Variants in EPS8L1 observed in about 807,000 individuals in gnomAD.
EPS8L1 encodes EPS8 signaling adaptor L1.
In EPS8L1, 101 loss-of-function variants were observed where a neutral mutation model predicts 91.7. The observed-to-expected ratio is 1.10, with a 90% confidence interval of 0.94 to 1.30. The LOEUF (loss-of-function observed/expected upper bound fraction) is 1.30, where lower values mean the gene tolerates loss of function less well. Ranked by LOEUF, EPS8L1 falls within the 50% of genes most tolerant of loss-of-function variation. EPS8L1 has a pLI of 0.00. For synonymous variants in EPS8L1, 506 were observed against 445.3 expected (o/e 1.14, Z -1.72); for missense variants, 1,114 against 1,017.0 (o/e 1.10, Z -1.30).
chr19:55,081,256 G>T lies in EPS8L1; in HGVS notation c.538G>T (p.Asp180Tyr), dbSNP rs1267220652. ...LRATQEELQR[D>Y]RSPAAETPPL... ...GGCCACGCAGGAGGAGTTGCAGCGC[G>T]ACCGCTCGCCCGCCGCTGAGACCCC... The change falls in exon 8 of 20, where the codon GAC (aspartate) becomes TAC (tyrosine). Residue 180 changes from aspartate to tyrosine, a missense_variant. Physicochemically the swap from Asp to Tyr is radical, Grantham distance 160. Transcript: ENST00000201647. This position sits in a 1 kb window ranked among gnomAD's most constrained non-coding sequence, Gnocchi z 4.9. 3.3e-6 allele frequency: 5 copies of T among 1,509,792 alleles called. No homozygotes were observed. The highest frequency in any genetic ancestry group is 4.4e-6 in the Non-Finnish European group (5 of 1,137,812). The allele number at this position is 1,509,792 out of a possible 1,614,324, so 93.5% of individuals were successfully genotyped here. A position where few individuals can be genotyped will look rare whatever the true frequency, so the allele number is the denominator to read the frequency against.
chr19:55,078,889 G>A (rs146934194), intron 3 of EPS8L1, 110 bp from the exon 4 acceptor site: 1 of 855,374 alleles, frequency 1.2e-6, no homozygotes, highest in Non-Finnish European at 1.8e-6. Context: ...GGGCTGGGGG[G>A]CTGGACTCCT....
Position 55,081,520 on chromosome 19 carries a change from G to T in EPS8L1, c.774+28G>T. ...GAGCCGCTAAGGAAGGGGTCTGGGGGCAGGGCCAGGCGACTGGAGGCGGGG... is the reference window on the plus strand; with the variant it reads ...GAGCCGCTAAGGAAGGGGTCTGGGGTCAGGGCCAGGCGACTGGAGGCGGGG... On this transcript the variant is annotated intron_variant, in intron 8 of 19. Coordinates refer to ENST00000201647, the MANE Select transcript of EPS8L1 (RefSeq NM_133180.3). The surrounding 1 kb of genome is among the most constrained non-coding windows in gnomAD (Gnocchi z 4.9). 1 of 1,532,432 alleles carries T rather than the reference G, an allele frequency of 6.5e-7. No homozygotes were observed. The highest frequency in any genetic ancestry group is 1.3e-5 in the South Asian group (1 of 78,634). The allele number at this position is 1,532,432 out of a possible 1,614,324, so 94.9% of individuals were successfully genotyped here.
At chr19:55,087,235 G>A (rs912119638) in intron 18 of EPS8L1, 68 bp from the exon 19 acceptor site, 10 of 1,528,730 alleles carry the variant, frequency 6.5e-6, no homozygotes, top group Non-Finnish European at 8.8e-6. Flanking sequence ...CCGGGTGGGC[G>A]TGACATGATT....
At chr19:55,076,258 C>G (rs2076130996) in intron 1 of EPS8L1, 150 bp from the exon 2 acceptor site, 1 of 632,130 alleles carries the variant, frequency 1.6e-6, no homozygotes, top group Admixed American at 3.2e-5. Context: ...GCCTGGACTT[C>G]TGGGTCTGAG....
chr19:55,078,029 A>G lies in EPS8L1; in HGVS notation c.18-59A>G, dbSNP rs73932290. 7,498 of 1,572,082 alleles carry G rather than the reference A, an allele frequency of 4.8e-3. 296 individuals carry two copies. In the African/African-American group the frequency reaches 0.086, roughly 18 times the overall value. On this transcript the variant is annotated intron_variant, in intron 2 of 19. Coordinates refer to ENST00000201647, the MANE Select transcript of EPS8L1 (RefSeq NM_133180.3). ...TGAAGCCCTTGCTGCCCTGCTTGGCATTTCCACAGGATCTGCCCCCAGTCC... is the reference window on the plus strand; with the variant it reads ...TGAAGCCCTTGCTGCCCTGCTTGGCGTTTCCACAGGATCTGCCCCCAGTCC...
Position 55,081,793 on chromosome 19 carries a change from C to T in EPS8L1, c.795C>T (p.Phe265=), listed in dbSNP as rs1210638723. The stretch of plus-strand genomic sequence containing the variant: ...CCTAGGACATCCTGAACCACGTGTT[C>T]GACGACGTAGAGAGCTTTGTATCGA... ...EREVDILNHV[F]DDVESFVSRL... Residue 265 remains phenylalanine, a synonymous_variant, in exon 9 of 20, where the codon TTC becomes TTT. Coordinates refer to ENST00000201647, the MANE Select transcript of EPS8L1 (RefSeq NM_133180.3). The surrounding 1 kb of genome is among the most constrained non-coding windows in gnomAD (Gnocchi z 4.9). 1.5e-5 allele frequency: 24 copies of T among 1,610,896 alleles called. No individual in the cohort carries two copies. Among genetic ancestry groups the T allele is most frequent in the East Asian group, 2.2e-5 (1 of 44,750 alleles).
chr19:55,079,856 C>CCG lies in EPS8L1; in HGVS notation c.279+5_279+6insCG. ...CTGCTCGACCCGGCCTCCAAGGTGC[C>CCG]GGGGGGCACGTGGGTGGGAGGAGTG... is the stretch of plus-strand genomic sequence containing the variant. On this transcript the variant is annotated splice_donor_region_variant and intron_variant, in intron 5 of 19. Transcript: ENST00000201647. 1 of 1,608,294 alleles carries CCG rather than the reference C, an allele frequency of 6.2e-7. No homozygotes were observed. The highest frequency in any genetic ancestry group is 1.1e-5 in the South Asian group (1 of 90,248).
Position 55,087,858 on chromosome 19 carries a change from G to A in EPS8L1, c.*244G>A. 1.9e-6 allele frequency: 1 copy of A among 540,234 alleles called. No homozygotes were observed. Among genetic ancestry groups the A allele is most frequent in the Non-Finnish European group, 3.3e-6 (1 of 298,722 alleles). 33.5% of individuals were successfully genotyped at this position (540,234 alleles called of 1,614,324 possible). On this transcript the variant is annotated 3_prime_UTR_variant, in exon 20 of 20. Transcript: ENST00000201647. ...GGAAAGCGCTAGCAGACCCCCGAGAGGGTGCAGTGGAGCCCTGAGCATTGT... is the reference window on the plus strand; with the variant it reads ...GGAAAGCGCTAGCAGACCCCCGAGAAGGTGCAGTGGAGCCCTGAGCATTGT...
At chr19:55,076,175 G>A (rs538805896) in intron 1 of EPS8L1, among the ~76,000 whole-genome samples, 1 of 73,792 alleles carries the variant, frequency 1.4e-5, no homozygotes, top group African/African-American at 5.3e-5. Context: ...AGTGGACTGG[G>A]GTCTGGACTC....
rs1218247739 is a variant in EPS8L1, at chr19:55,079,608, T to C, written c.118-82T>C. 6 of 1,516,760 alleles carry C rather than the reference T, an allele frequency of 4.0e-6. No homozygotes were observed. In the South Asian group the frequency reaches 5.1e-5, roughly 13 times the overall value. The allele number at this position is 1,516,760 out of a possible 1,614,324, so 94.0% of individuals were successfully genotyped here. A position where few individuals can be genotyped will look rare whatever the true frequency, so the allele number is the denominator to read the frequency against. ...GGAGGAGGTGTGGTTAGTCTCAGGC[T>C]GAAAGTCTGATTATTCTGGGGGATT... On this transcript the variant is annotated intron_variant, in intron 4 of 19. Transcript: ENST00000201647.
At position 55,081,709 on chromosome 19, in the gene EPS8L1, G is replaced by C. The variant is rs540240886; in HGVS notation, c.775-64G>C. 1.7e-5 allele frequency: 26 copies of C among 1,552,008 alleles called. No individual in the cohort carries two copies. In the African/African-American group the frequency reaches 3.0e-4, roughly 18 times the overall value. ...GGAAGTGTATAGGTGCTCAGGTTCA[G>C]GGCTTCGACGGGGATGGTTTTGGAA... On this transcript the variant is annotated intron_variant, in intron 8 of 19. Transcript: ENST00000201647. The surrounding 1 kb of genome is among the most constrained non-coding windows in gnomAD (Gnocchi z 4.9).
intron 3 of EPS8L1, 76 bp from the exon 4 acceptor site, chr19:55,078,923 G>A: frequency 6.7e-7 from 1 of 1,484,614 alleles, no homozygotes; most frequent in Non-Finnish European, 9.4e-7. Context: ...GAGGGGCTGG[G>A]GGCCTGGACT....
rs1227845143 is a variant in EPS8L1, at chr19:55,087,676, C to CT, written c.*63dup. 5 of 1,544,526 alleles carry CT rather than the reference C, an allele frequency of 3.2e-6. No homozygotes were observed. The African/African-American group carries it at 5.4e-5, about 17-fold the overall frequency. ...CGTGGGAGAACGGACTCCTCAGACTCTCCCCAATAGCGGAAGTCGATCTTC... is the reference window on the plus strand; with the variant it reads ...CGTGGGAGAACGGACTCCTCAGACTCTTCCCCAATAGCGGAAGTCGATCTTC... On this transcript the variant is annotated 3_prime_UTR_variant, in exon 20 of 20. Coordinates refer to ENST00000201647, the MANE Select transcript of EPS8L1 (RefSeq NM_133180.3).
At chr19:55,076,689 C>G (rs1026674309) in intron 2 of EPS8L1, among the ~76,000 whole-genome samples, 2 of 152,246 alleles carry the variant, frequency 1.3e-5, no homozygotes, top group Non-Finnish European at 2.9e-5. Context: ...GGCCCTCACA[C>G]TCAGTGCTGA....
intron 17 of EPS8L1, 50 bp from the exon 18 acceptor site, chr19:55,086,651 CTCTGGCCCCAGGA>C: frequency 5.3e-6 from 8 of 1,498,056 alleles, no homozygotes; most frequent in East Asian, 2.3e-5. Flanking sequence ...CCGCCCCGCC[CTCTGGCCCCAGGA>C]CCCCTCGCCC....
rs369469374 is a variant in EPS8L1 at position 55,086,778 on chromosome 19, G to C, written c.1842G>C (p.Ser614=). The change falls in exon 18 of 20, where the codon TCG becomes TCC. Residue 614 remains serine, a synonymous_variant. Transcript: ENST00000201647. ...ELQARLAQGR[S]GPSRAVPGPR... is the part of the protein sequence containing the mutation. ...AGGCGCGCCTGGCCCAGGGCCGCTC[G>C]GGACCGAGCCGCGCAGTCCCAGGGC... The C allele has an allele frequency of 6.2e-7, 1 of 1,609,062 alleles. No individual in the cohort carries two copies. The highest frequency in any genetic ancestry group is 8.5e-7 in the Non-Finnish European group (1 of 1,178,462).
Position 55,086,146 on chromosome 19 carries a change from AC to A in EPS8L1, c.1608del (p.Gly537AspfsTer14). ...GYVPYNILTPYPGPRLHHSQS... is the reference protein window; with the variant it reads ...GYVPYNILTPXPGPRLHHSQS... ...GTGCCCTACAACATCCTGACACCCT[AC>A]CCCGGACCCCGGCTGCACCACAGCC... On this transcript the variant is annotated frameshift_variant, in exon 16 of 20. Coordinates refer to ENST00000201647, the MANE Select transcript of EPS8L1 (RefSeq NM_133180.3). LOFTEE classifies it high-confidence loss of function. 1 of 1,605,816 alleles carries A rather than the reference AC, an allele frequency of 6.2e-7. No homozygotes were observed. The highest frequency in any genetic ancestry group is 8.5e-7 in the Non-Finnish European group (1 of 1,175,400).
chr19:55,079,005 G>A lies in EPS8L1; in HGVS notation c.65G>A (p.Arg22Lys), dbSNP rs1602917253. The stretch of plus-strand genomic sequence containing the variant: ...TCTCTTTCTCCCCTGGCAGAGCAGA[G>A]GAAGCGTTACTCCACAGTTGTTATG... ...KPSAKSIYEQ[R>K]KRYSTVVMAD... Residue 22 changes from arginine to lysine, a missense_variant, in exon 4 of 20, where the codon AGG becomes AAG. By Grantham distance (26) the Arg-to-Lys change is conservative. Coordinates refer to ENST00000201647, the MANE Select transcript of EPS8L1 (RefSeq NM_133180.3). 1.4e-5 allele frequency: 22 copies of A among 1,613,844 alleles called. No individual in the cohort carries two copies. The highest frequency in any genetic ancestry group is 2.2e-5 in the South Asian group (2 of 91,088).
At chr19:55,084,310 T>C (rs1171003513) in intron 14 of EPS8L1, 4 of 154,432 alleles carry the variant, frequency 2.6e-5, no homozygotes, top group Non-Finnish European at 4.3e-5. Context: ...AAGGATAAGA[T>C]TGAAGCTTGA....
Sources: gnomAD v4.1 joint callset for allele counts (sites outside exome capture counted in the v4.1 genomes callset) on GRCh38, gnomAD v4.1.1 for gene constraint, Gnocchi (gnomAD v3.1) non-coding constraint, MANE v1.5 for transcripts, NCBI Gene and HGNC (gene_info 2026-07-23, HGNC 2026-07-21) for gene names.